TRAT1: variants seen among roughly 807,000 people sequenced by gnomAD.
The protein encoded by TRAT1 is T-cell receptor-associated transmembrane adapter 1.
Under a neutral mutation model 20.0 loss-of-function variants are expected in TRAT1, and 20 were observed. That is an observed-to-expected ratio of 1.00 (90% CI 0.70 to 1.45). The LOEUF (loss-of-function observed/expected upper bound fraction) is 1.45, where lower values mean the gene tolerates loss of function less well. TRAT1 is among the 40% of genes most tolerant of loss of function. TRAT1 has a pLI of 0.00. For synonymous variants in TRAT1, 77 were observed against 74.2 expected (o/e 1.04, Z -0.20); for missense variants, 237 against 224.1 (o/e 1.06, Z -0.37).
At chr3:108,836,235 G>A (rs1039883083) in intron 2 of TRAT1, among the ~76,000 whole-genome samples, 7 of 152,034 alleles carry the variant, frequency 4.6e-5, no homozygotes, top group African/African-American at 1.7e-4. Context: ...GTTTTTATGT[G>A]TTACACTAGT....
intron 3 of TRAT1, chr3:108,839,245 G>C: frequency 2.4e-6 from 1 of 409,062 alleles, no homozygotes; most frequent in Admixed American, 4.3e-5. Context: ...TTCAGAGGTA[G>C]ATAGCCTAGA....
chr3:108,824,207 A>G (rs1187042036), intron 1 of TRAT1, among the ~76,000 whole-genome samples: 2 of 152,204 alleles, frequency 1.3e-5, no homozygotes, highest in Non-Finnish European at 2.9e-5. Flanking sequence ...TTTACATGAC[A>G]GAAAGATGAA....
chr3:108,849,295 A>G, intron 5 of TRAT1, 41 bp downstream of exon 5: 1 of 1,519,352 alleles, frequency 6.6e-7, no homozygotes, highest in Non-Finnish European at 9.1e-7. Flanking sequence ...ACATTTCAAG[A>G]GCATAAGAGT....
intron 3 of TRAT1, among the ~76,000 whole-genome samples, 193 bp from the exon 4 acceptor site, chr3:108,846,875 A>T (rs905114282): frequency 9.2e-5 from 14 of 152,206 alleles, no homozygotes; most frequent in African/African-American, 3.1e-4. Context: ...TTAAATTCAC[A>T]CGGAACACAG....
At chr3:108,849,675 A>G (rs1024406715) in intron 5 of TRAT1, among the ~76,000 whole-genome samples, 3 of 152,210 alleles carry the variant, frequency 2.0e-5, no homozygotes, top group Admixed American at 1.3e-4. Context: ...ACAAAACATC[A>G]TATCCCTATT....
chr3:108,847,878 G>T (rs1053243318), intron 4 of TRAT1, among the ~76,000 whole-genome samples: 1 of 152,042 alleles, frequency 6.6e-6, no homozygotes, highest in Non-Finnish European at 1.5e-5. Context: ...CAGTAATGTA[G>T]GAAATTTATC....
intron 2 of TRAT1, among the ~76,000 whole-genome samples, chr3:108,831,835 G>T (rs150987510): frequency 6.6e-6 from 1 of 152,012 alleles, no homozygotes; most frequent in Non-Finnish European, 1.5e-5. Flanking sequence ...GAGCAACCAC[G>T]CCCAGCCTGG....
intron 1 of TRAT1, among the ~76,000 whole-genome samples, chr3:108,826,194 T>C (rs1161746018): frequency 1.3e-5 from 2 of 152,212 alleles, no homozygotes; most frequent in Non-Finnish European, 2.9e-5. Context: ...GATGAAGATA[T>C]GAAATCCAGT....
At chr3:108,833,722 T>C (rs961850581) in intron 2 of TRAT1, among the ~76,000 whole-genome samples, 1 of 152,036 alleles carries the variant, frequency 6.6e-6, no homozygotes, top group East Asian at 1.9e-4. Context: ...ACAAGTAACA[T>C]AATTTCTCTG....
At chr3:108,832,844 T>C (rs982129382) in intron 2 of TRAT1, among the ~76,000 whole-genome samples, 2 of 152,154 alleles carry the variant, frequency 1.3e-5, no homozygotes, top group African/African-American at 2.4e-5. Flanking sequence ...AGTCCTATGA[T>C]TGCATGAATT....
chr3:108,849,209 A>G lies in TRAT1; in HGVS notation c.258A>G (p.Pro86=), dbSNP rs773411969. The part of the protein sequence containing the change: ...ENCYEQMKAR[P]EKSVNKMQEA... ...GCTATGAACAAATGAAAGCCCGACC[A>G]GAGAAATCTGTAAATAAGATGCAGG... Residue 86 remains proline (P), a synonymous_variant, in exon 5 of 6, where the codon CCA becomes CCG. Coordinates refer to ENST00000295756, the MANE Select transcript of TRAT1 (RefSeq NM_016388.4). 1 of 1,614,152 alleles carries G rather than the reference A, an allele frequency of 6.2e-7. No homozygotes were observed. The highest frequency in any genetic ancestry group is 1.1e-5 in the South Asian group (1 of 91,074).
intron 3 of TRAT1, among the ~76,000 whole-genome samples, chr3:108,846,041 G>C (rs1231306510): frequency 3.9e-5 from 6 of 152,204 alleles, no homozygotes. Context: ...ACATAAAACT[G>C]TGGTCCCTGT....
chr3:108,827,373 AGTATGTGT>A (rs1200059206), intron 1 of TRAT1, among the ~76,000 whole-genome samples: 44 of 126,008 alleles, frequency 3.5e-4, no homozygotes, highest in African/African-American at 1.1e-3. Flanking sequence ...GGAGGTATAA[AGTATGTGT>A]GTATGTGTGT....
At chr3:108,826,327 A>G (rs1411398471) in intron 1 of TRAT1, among the ~76,000 whole-genome samples, 1 of 151,740 alleles carries the variant, frequency 6.6e-6, no homozygotes, top group Non-Finnish European at 1.5e-5. Flanking sequence ...ATCACAGCCC[A>G]CTCCCCAACA....
At chr3:108,830,358 G>A (rs533420562) in intron 1 of TRAT1, among the ~76,000 whole-genome samples, 2 of 152,312 alleles carry the variant, frequency 1.3e-5, no homozygotes, top group African/African-American at 2.4e-5. Flanking sequence ...TTTGAATGTT[G>A]TTGATTTTTG....
intron 3 of TRAT1, among the ~76,000 whole-genome samples, chr3:108,846,695 C>T (rs183280976): frequency 6.6e-5 from 10 of 152,234 alleles, no homozygotes; most frequent in Admixed American, 6.5e-4. Flanking sequence ...CTCTCTGTGC[C>T]TCAGATTTCT....
chr3:108,844,971 C>T (rs1245168939), intron 3 of TRAT1, among the ~76,000 whole-genome samples: 1 of 150,552 alleles, frequency 6.6e-6, no homozygotes, highest in African/African-American at 2.5e-5. Context: ...AATGTACTTA[C>T]TGGTTAGAGA....
intron 2 of TRAT1, among the ~76,000 whole-genome samples, chr3:108,838,563 TG>T (rs894903389): frequency 3.9e-5 from 6 of 152,166 alleles, no homozygotes; most frequent in Non-Finnish European, 8.8e-5. Context: ...TGCAGTGGAC[TG>T]GAGCCACAAG....
intron 5 of TRAT1, among the ~76,000 whole-genome samples, chr3:108,852,909 C>G (rs1311385105): frequency 2.6e-5 from 4 of 152,192 alleles, no homozygotes; most frequent in African/African-American, 9.7e-5. Context: ...CATGTTGCTT[C>G]CCCTAGATAG....
Sources: allele counts gnomAD v4.1 joint callset (sites outside exome capture counted in the v4.1 genomes callset), GRCh38; gene constraint gnomAD v4.1.1; transcripts MANE v1.5; gene names NCBI Gene and HGNC (gene_info 2026-07-23, HGNC 2026-07-21).